PFKP: variants seen among roughly 807,000 people sequenced by gnomAD.
PFKP encodes ATP-dependent 6-phosphofructokinase, platelet type.
Under a neutral mutation model 94.3 loss-of-function variants are expected in PFKP, and 101 were observed. That is an observed-to-expected ratio of 1.07 (90% CI 0.91 to 1.26). The LOEUF (loss-of-function observed/expected upper bound fraction) is 1.26. Ranked by LOEUF, PFKP falls within the 50% of genes most tolerant of loss-of-function variation. The pLI, the probability that PFKP is intolerant of heterozygous loss-of-function variation, is 0.00. For synonymous variants in PFKP, 573 were observed against 432.6 expected (o/e 1.32, Z -4.03); for missense variants, 1,145 against 1,103.3 (o/e 1.04, Z -0.53).
intron 8 of PFKP, chr10:3,108,067 T>A: frequency 1.6e-6 from 2 of 1,213,196 alleles, no homozygotes; most frequent in Non-Finnish European, 2.2e-6. Context: ...GGGAAAGACA[T>A]CTGCCAATAT....
chr10:3,131,947 C>G (rs1194419974), intron 17 of PFKP, among the ~76,000 whole-genome samples: 7 of 152,100 alleles, frequency 4.6e-5, no homozygotes, highest in African/African-American at 1.7e-4. Context: ...GAATGTGAGT[C>G]TACAAAATTC....
At chr10:3,126,382 C>G (rs1837946742) in intron 16 of PFKP, among the ~76,000 whole-genome samples, 1 of 152,214 alleles carries the variant, frequency 6.6e-6, no homozygotes, top group Non-Finnish European at 1.5e-5. Context: ...GGGCCCCGCA[C>G]TTGACCCCTG....
intron 16 of PFKP, among the ~76,000 whole-genome samples, chr10:3,127,472 T>C (rs1838088528): frequency 6.6e-6 from 1 of 152,166 alleles, no homozygotes; most frequent in African/African-American, 2.4e-5. Context: ...GCGGGGGAGA[T>C]TCAGTTGGAA....
intron 3 of PFKP, chr10:3,100,866 A>ATAAAAAAAAAAAT: frequency 1.7e-6 from 1 of 579,704 alleles, no homozygotes; most frequent in Non-Finnish European, 2.7e-6. Flanking sequence ...GTGGTGCAAA[A>ATAAAAAAAAAAAT]AAAAAAAAAA....
At chr10:3,101,077 C>A in intron 3 of PFKP, 4 of 1,186,764 alleles carry the variant, frequency 3.4e-6, no homozygotes, top group African/African-American at 1.5e-5. Context: ...GCTGTGACAC[C>A]GCAGGCTGGT....
In PFKP at chr10:3,136,623, GTTT is replaced by G. The variant is rs1564367793; in HGVS notation, c.*47_*49del. On this transcript the variant is annotated 3_prime_UTR_variant, in exon 22 of 22. Coordinates refer to ENST00000381125, the MANE Select transcript of PFKP (RefSeq NM_002627.5). ...TGCCTGCAGCCACCGTGGACTGTCT[GTTT>G]TTGTAACACTTAAGTTATTTTATCA... is the stretch of plus-strand genomic sequence containing the variant. The G allele has an allele frequency of 1.9e-6, 3 of 1,594,520 alleles. No homozygotes were observed. The highest frequency in any genetic ancestry group is 3.4e-5 in the Admixed American group (2 of 58,898).
chr10:3,079,669 G>C (rs149090841), intron 1 of PFKP, among the ~76,000 whole-genome samples: 15,340 of 117,560 alleles, frequency 0.13, 2,648 homozygotes, highest in East Asian at 0.46. Context: ...GGGTGGGGGG[G>C]GGGGGAAGAG....
At chr10:3,105,308 A>C (rs1157435350) in intron 6 of PFKP, 85 bp from the exon 7 acceptor site, 17 of 1,326,586 alleles carry the variant, frequency 1.3e-5, no homozygotes, top group Non-Finnish European at 1.7e-5. Flanking sequence ...TTAGGTCTGC[A>C]CGTCTGTCGC....
At chr10:3,121,870 GGAATGCAGT>G (rs1345214491) in intron 16 of PFKP, among the ~76,000 whole-genome samples, 3 of 121,560 alleles carry the variant, frequency 2.5e-5, no homozygotes, top group Non-Finnish European at 4.7e-5. Context: ...TTCCCAGGCT[GGAATGCAGT>G]GCTGCAATCG....
At chr10:3,087,203 C>T (rs1236260920) in intron 2 of PFKP, among the ~76,000 whole-genome samples, 1 of 151,696 alleles carries the variant, frequency 6.6e-6, no homozygotes, top group African/African-American at 2.4e-5. Flanking sequence ...AAGTGATTCA[C>T]CTGCCTTGGC....
chr10:3,078,373 C>T (rs773133613), intron 1 of PFKP, among the ~76,000 whole-genome samples: 3 of 152,130 alleles, frequency 2.0e-5, no homozygotes, highest in Admixed American at 6.6e-5. Flanking sequence ...CTTCTCCCTC[C>T]AAACCCCTCA....
rs546608887 is a variant in PFKP at position 3,076,951 on chromosome 10, A to G, written c.113-5437A>G. On this transcript the variant is annotated intron_variant, in intron 1 of 21. Transcript: ENST00000381125. ...GCATCCCACCTCCCCATGCCTACAT[A>G]ATCCCTACATTATCAAAGGAAAGAC... Among the ~76,000 whole-genome samples, 15 of 152,256 alleles carry G rather than the reference A, an allele frequency of 9.9e-5. No individual in the cohort carries two copies. In the South Asian group the frequency reaches 2.5e-3, roughly 25 times the overall value.
intron 1 of PFKP, chr10:3,069,489 G>C (rs1194615390): frequency 2.8e-6 from 3 of 1,072,090 alleles, no homozygotes; most frequent in Non-Finnish European, 4.0e-6. Context: ...ACCTTACCTG[G>C]GCCGCGAAAG....
chr10:3,069,737 A>G (rs1311233400), intron 1 of PFKP, among the ~76,000 whole-genome samples: 4 of 152,180 alleles, frequency 2.6e-5, no homozygotes, highest in Non-Finnish European at 4.4e-5. Flanking sequence ...AAGAAAGAAA[A>G]AAAATTAAGA....
At chr10:3,100,019 G>GT (rs1454470274) in intron 3 of PFKP, among the ~76,000 whole-genome samples, 1 of 151,310 alleles carries the variant, frequency 6.6e-6, no homozygotes, top group African/African-American at 2.4e-5. Context: ...TGTGTGGGGT[G>GT]TGTGTATATG....
chr10:3,099,393 G>C lies in PFKP; in HGVS notation c.264+41G>C, dbSNP rs571301753. 3.4e-6 allele frequency: 5 copies of C among 1,484,360 alleles called. No homozygotes were observed. In the South Asian group the frequency reaches 5.7e-5, roughly 17 times the overall value. The allele number at this position is 1,484,360 out of a possible 1,614,324, so 91.9% of individuals were successfully genotyped here. On this transcript the variant is annotated intron_variant, in intron 3 of 21. Transcript: ENST00000381125. ...CGTCCACAGGGTTCTCTGAGTTAGA[G>C]ACTCTTTTATGTCTAGTAAATTCCC... is the stretch of plus-strand genomic sequence containing the variant.
chr10:3,090,555 C>A (rs1053264995), intron 2 of PFKP, among the ~76,000 whole-genome samples: 22 of 152,072 alleles, frequency 1.4e-4, no homozygotes, highest in African/African-American at 4.6e-4. Context: ...AGAGGCTCAG[C>A]CCCCTCCCCG....
chr10:3,118,772 C>A lies in PFKP; in HGVS notation c.1443-10C>A. On this transcript the variant is annotated splice_polypyrimidine_tract_variant and intron_variant, in intron 14 of 21. Coordinates refer to ENST00000381125, the MANE Select transcript of PFKP (RefSeq NM_002627.5). Reference sequence around the variant, plus strand: ...GTGTCTGACATCGTTCTCCACGTGGCTATTTTCAGCGTTCTCCCGGGGAAG... The same window carrying A: ...GTGTCTGACATCGTTCTCCACGTGGATATTTTCAGCGTTCTCCCGGGGAAG... 6 of 1,609,142 alleles carry A rather than the reference C, an allele frequency of 3.7e-6. No individual in the cohort carries two copies. The highest frequency in any genetic ancestry group is 5.1e-6 in the Non-Finnish European group (6 of 1,175,968).
intron 1 of PFKP, among the ~76,000 whole-genome samples, chr10:3,070,020 A>G (rs1832067118): frequency 6.6e-6 from 1 of 152,254 alleles, no homozygotes; most frequent in Non-Finnish European, 1.5e-5. Context: ...CCTCGGGTTA[A>G]TAGGAGACAG....
Sources: allele counts gnomAD v4.1 joint callset (sites outside exome capture counted in the v4.1 genomes callset), GRCh38; gene constraint gnomAD v4.1.1; transcripts MANE v1.5; gene names NCBI Gene and HGNC (gene_info 2026-07-23, HGNC 2026-07-21).